Variants in HIPK2 observed in about 807,000 individuals in gnomAD.
HIPK2 encodes homeodomain interacting protein kinase 2.
In HIPK2, 27 loss-of-function variants were observed where a neutral mutation model predicts 113.7. That is an observed-to-expected ratio of 0.24 (90% CI 0.17 to 0.33). The LOEUF (loss-of-function observed/expected upper bound fraction) is 0.33, where lower values mean the gene tolerates loss of function less well. Among genes scored for constraint, HIPK2 ranks in the 10% least tolerant of loss-of-function variants. The pLI, the probability that HIPK2 is intolerant of heterozygous loss-of-function variation, is 1.00. For missense variants in HIPK2, 1,257 were observed against 1,588.0 expected (o/e 0.79, Z 3.54); for synonymous variants, 631 against 642.2 (o/e 0.98, Z 0.26).
At chr7:139,643,381 TAC>T (rs61058916) in intron 2 of HIPK2, among the ~76,000 whole-genome samples, 21,421 of 147,810 alleles carry the variant, frequency 0.14, 2,445 homozygotes, top group African/African-American at 0.33. Flanking sequence ...ATGTACTAAA[TAC>T]ACACACACAC....
chr7:139,719,825 A>G (rs1445741978), intron 1 of HIPK2, among the ~76,000 whole-genome samples: 1 of 152,210 alleles, frequency 6.6e-6, no homozygotes, highest in African/African-American at 2.4e-5. Flanking sequence ...CAGTGAATGT[A>G]TTTATCACTT....
chr7:139,659,032 C>A (rs1014431049), intron 2 of HIPK2, among the ~76,000 whole-genome samples: 3 of 152,046 alleles, frequency 2.0e-5, no homozygotes, highest in African/African-American at 7.2e-5. Context: ...TAAACACTGA[C>A]TGATGGACAT....
chr7:139,766,954 G>C (rs1796563509), intron 1 of HIPK2, among the ~76,000 whole-genome samples: 1 of 152,210 alleles, frequency 6.6e-6, no homozygotes, highest in Non-Finnish European at 1.5e-5. Context: ...CTGAGAAGAT[G>C]TGAAGGCAGG....
At chr7:139,598,421 C>T (rs768032749) in intron 11 of HIPK2, among the ~76,000 whole-genome samples, 1 of 152,150 alleles carries the variant, frequency 6.6e-6, no homozygotes, top group East Asian at 1.9e-4. Context: ...TTTGTACTTA[C>T]TATAAACCTA....
At chr7:139,760,547 C>G (rs1026598730) in intron 1 of HIPK2, among the ~76,000 whole-genome samples, 1 of 152,142 alleles carries the variant, frequency 6.6e-6, no homozygotes, top group African/African-American at 2.4e-5. Flanking sequence ...AAGTATTAAA[C>G]TTTCCTCTGT....
chr7:139,632,540 A>G (rs1054261558), intron 2 of HIPK2, among the ~76,000 whole-genome samples: 1 of 152,256 alleles, frequency 6.6e-6, no homozygotes, highest in Non-Finnish European at 1.5e-5. Flanking sequence ...AGAGTCTGGT[A>G]TCAACCAGGA....
chr7:139,699,820 C>A (rs1319125980), intron 2 of HIPK2, among the ~76,000 whole-genome samples: 1 of 152,238 alleles, frequency 6.6e-6, no homozygotes, highest in Non-Finnish European at 1.5e-5. Context: ...ACAATCTGCG[C>A]ACGCCAGGGG....
intron 2 of HIPK2, among the ~76,000 whole-genome samples, chr7:139,660,939 C>T (rs1585343541): frequency 1.3e-5 from 2 of 151,936 alleles, no homozygotes; most frequent in Non-Finnish European, 2.9e-5. Context: ...AGAACACGCA[C>T]GTGGATGTTC....
At chr7:139,605,836 T>C (rs965763560) in intron 9 of HIPK2, among the ~76,000 whole-genome samples, 3 of 152,266 alleles carry the variant, frequency 2.0e-5, no homozygotes, top group Admixed American at 6.5e-5. Flanking sequence ...ATTTCAGGTT[T>C]ACTTAACTCA....
intron 2 of HIPK2, among the ~76,000 whole-genome samples, chr7:139,692,177 T>C (rs73733186): frequency 0.026 from 3,935 of 152,296 alleles, 182 homozygotes; most frequent in African/African-American, 0.09. Context: ...AATTCTGAAG[T>C]ATCTGAAACA....
At chr7:139,617,921 C>T (rs138667394) in intron 7 of HIPK2, among the ~76,000 whole-genome samples, 1 of 152,330 alleles carries the variant, frequency 6.6e-6, no homozygotes, top group Non-Finnish European at 1.5e-5. Flanking sequence ...CAGCAATGAA[C>T]AGAAGAAGTC....
intron 2 of HIPK2, among the ~76,000 whole-genome samples, chr7:139,711,002 CT>C (rs77575517): frequency 2.8e-4 from 41 of 147,654 alleles, no homozygotes; most frequent in East Asian, 5.9e-4. Flanking sequence ...TCAATTAAAC[CT>C]TTTTTTTTTT....
At chr7:139,711,372 G>A (rs1420241552) in intron 2 of HIPK2, among the ~76,000 whole-genome samples, 1 of 152,034 alleles carries the variant, frequency 6.6e-6, no homozygotes, top group East Asian at 1.9e-4. Context: ...AGTTTGCAGT[G>A]AGTCGAGATC....
intron 1 of HIPK2, among the ~76,000 whole-genome samples, chr7:139,746,919 A>G (rs556470308): frequency 3.3e-5 from 5 of 152,336 alleles, no homozygotes; most frequent in African/African-American, 9.6e-5. Flanking sequence ...TAGAGATATT[A>G]TAAGACTTGG....
chr7:139,613,221 T>C lies in HIPK2; in HGVS notation c.2093A>G (p.Gln698Arg). The C allele has an allele frequency of 1.2e-6, 2 of 1,613,840 alleles. No homozygotes were observed. Among genetic ancestry groups the C allele is most frequent in the Non-Finnish European group, 1.7e-6 (2 of 1,179,838 alleles). The change falls in exon 9 of 15, where the codon CAA (glutamine) becomes CGA (arginine). Residue 698 changes from glutamine (Q) to arginine (R), a missense_variant. By Grantham distance (43) the Gln-to-Arg change is conservative. Transcript: ENST00000406875. This position sits in a 1 kb window ranked among gnomAD's most constrained non-coding sequence, Gnocchi z 4.2. ...QAPGAQPLQI[Q>R]PGLLAQQAWP... The stretch of plus-strand genomic sequence containing the variant: ...AATTACCTGGGCAAGCAGACCTGGT[T>C]GGATCTGAAGAGGCTGAGCTCCTGG...
intron 2 of HIPK2, among the ~76,000 whole-genome samples, chr7:139,709,609 A>G (rs912049707): frequency 1.3e-5 from 2 of 152,190 alleles, no homozygotes; most frequent in Non-Finnish European, 2.9e-5. Context: ...CTGAACCACC[A>G]ATTCTGGCCA....
chr7:139,707,304 C>T (rs1794930557), intron 2 of HIPK2, among the ~76,000 whole-genome samples: 1 of 152,242 alleles, frequency 6.6e-6, no homozygotes, highest in Non-Finnish European at 1.5e-5. Flanking sequence ...GGGCCACAAG[C>T]CCAATACCCG....
chr7:139,662,678 G>T (rs2116565433), intron 2 of HIPK2, among the ~76,000 whole-genome samples: 1 of 150,162 alleles, frequency 6.7e-6, no homozygotes, highest in South Asian at 2.1e-4. Context: ...GGAGCACAGT[G>T]GCGTGATCTC....
chr7:139,716,736 C>T lies in HIPK2; in HGVS notation c.299G>A (p.Ser100Asn), dbSNP rs1189953399. 1 of 1,613,914 alleles carries T rather than the reference C, an allele frequency of 6.2e-7. No individual in the cohort carries two copies. The highest frequency in any genetic ancestry group is 1.1e-5 in the South Asian group (1 of 91,072). Residue 100 changes from serine (S) to asparagine (N), a missense_variant, in exon 2 of 15, where the codon AGC becomes AAC. This residue lies in a region of HIPK2 where 209 missense variants were observed against 237.8 expected (regional missense o/e 0.88). Transcript: ENST00000406875. The surrounding 1 kb of genome is among the most constrained non-coding windows in gnomAD (Gnocchi z 9.3). ...GAGGACTTGCCCGGTGACAGAAGTG[C>T]TGCTTGCTGAGGTGACCACGATGTG... ...TGHIVVTSAS[S>N]TSVTGQVLGG...
Sources: gnomAD v4.1 joint callset for allele counts (sites outside exome capture counted in the v4.1 genomes callset) on GRCh38, gnomAD v4.1.1 for gene constraint, gnomAD v4.1.1 regional missense constraint, Gnocchi (gnomAD v3.1) non-coding constraint, MANE v1.5 for transcripts, NCBI Gene and HGNC (gene_info 2026-07-23, HGNC 2026-07-21) for gene names.